The following SAMD4A variants were observed in gnomAD, a reference collection of about 807,000 sequenced individuals.
SAMD4A encodes the protein sterile alpha motif domain containing 4A, also known as protein Smaug homolog 1.
A neutral mutation model predicts 81.3 loss-of-function variants in SAMD4A; 33 were observed. The observed-to-expected ratio is 0.41, with a 90% CI of 0.31 to 0.54. SAMD4A has a LOEUF of 0.54. SAMD4A is among the 20% of genes least tolerant of loss of function. The pLI, the probability that SAMD4A is intolerant of heterozygous loss-of-function variation, is 0.37. For synonymous variants in SAMD4A, 389 were observed against 382.1 expected (o/e 1.02, Z -0.21); for missense variants, 854 against 951.1 (o/e 0.90, Z 1.34).
chr14:54,748,382 T>G (rs2038018278), intron 4 of SAMD4A, among the ~76,000 whole-genome samples: 1 of 152,344 alleles, frequency 6.6e-6, no homozygotes, highest in African/African-American at 2.4e-5. Context: ...GCTCTAACAT[T>G]CGAAGCCAGC....
At chr14:54,689,519 G>C (rs1462832384) in intron 2 of SAMD4A, 1 of 152,260 alleles carries the variant, frequency 6.6e-6, no homozygotes, top group East Asian at 1.9e-4. Context: ...GAGTGGTTAA[G>C]TGAATTGCCC....
intron 2 of SAMD4A, among the ~76,000 whole-genome samples, chr14:54,609,309 G>T (rs2034298008): frequency 6.6e-6 from 1 of 152,210 alleles, no homozygotes; most frequent in African/African-American, 2.4e-5. Flanking sequence ...GCCAAGGAAT[G>T]CAGGCAGCCT....
At chr14:54,786,392 CAA>C (rs2039141217) in intron 12 of SAMD4A, among the ~76,000 whole-genome samples, 1 of 152,194 alleles carries the variant, frequency 6.6e-6, no homozygotes, top group Non-Finnish European at 1.5e-5. Flanking sequence ...CACAGCTTTG[CAA>C]ATATACTAAA....
intron 2 of SAMD4A, chr14:54,652,671 C>T (rs185856393): frequency 8.6e-5 from 13 of 151,660 alleles, no homozygotes; most frequent in Admixed American, 6.6e-4. Flanking sequence ...GGTTACAGAC[C>T]CTTTGTGCAG....
chr14:54,584,619 T>A (rs2033565461), intron 2 of SAMD4A, among the ~76,000 whole-genome samples: 1 of 152,232 alleles, frequency 6.6e-6, no homozygotes, highest in African/African-American at 2.4e-5. Flanking sequence ...TTATTTAATA[T>A]TAAATGTGAT....
intron 2 of SAMD4A, chr14:54,692,876 G>GCCCCCC (rs56082229): frequency 6.0e-5 from 8 of 132,412 alleles, no homozygotes; most frequent in Non-Finnish European, 9.6e-5. Flanking sequence ...ATCACTTAGT[G>GCCCCCC]CCCCCCCCCG....
chr14:54,623,801 A>C (rs752014622), intron 2 of SAMD4A, among the ~76,000 whole-genome samples: 38 of 152,280 alleles, frequency 2.5e-4, no homozygotes, highest in Non-Finnish European at 2.1e-4. Flanking sequence ...CATTCTTTCC[A>C]TTCTTCCTGA....
In SAMD4A at chr14:54,749,912, A is replaced by G. The variant is rs146993507; in HGVS notation, c.1089+988A>G. Among the ~76,000 whole-genome samples, 665 of 152,312 alleles carry G rather than the reference A, an allele frequency of 4.4e-3. 4 individuals are homozygous for G. The highest frequency in any genetic ancestry group is 0.014 in the African/African-American group (589 of 41,562). ...GCAGATCACCAGTTCCCCAGTACTT[A>G]TTCGGTACCCTCATTTAACCCTGCA... On this transcript the variant is annotated intron_variant, in intron 5 of 12. Transcript: ENST00000554335.
chr14:54,771,339 G>A (rs150318598), intron 9 of SAMD4A, among the ~76,000 whole-genome samples: 15 of 152,300 alleles, frequency 9.8e-5, no homozygotes, highest in Middle Eastern at 3.4e-3. Context: ...AGCTGCTGTT[G>A]TTAACCCCAT....
intron 2 of SAMD4A, among the ~76,000 whole-genome samples, chr14:54,649,656 T>C (rs919809455): frequency 6.6e-6 from 1 of 152,212 alleles, no homozygotes; most frequent in Admixed American, 6.5e-5. Flanking sequence ...GGCCATTTAA[T>C]AAAAATTGCA....
chr14:54,661,025 A>T (rs1164302008), intron 2 of SAMD4A, among the ~76,000 whole-genome samples: 2 of 152,212 alleles, frequency 1.3e-5, no homozygotes, highest in Non-Finnish European at 2.9e-5. Context: ...GAATGGTGTG[A>T]ACATAATAGA....
At chr14:54,711,393 C>A (rs985958531) in intron 3 of SAMD4A, among the ~76,000 whole-genome samples, 15 of 151,788 alleles carry the variant, frequency 9.9e-5, no homozygotes, top group African/African-American at 3.4e-4. Context: ...AAATGTATAC[C>A]CAAAAAAACT....
Position 54,678,433 on chromosome 14 carries a change from T to TTGTGTG in SAMD4A, c.197-23551_197-23546dup, listed in dbSNP as rs769193366. Among the ~76,000 whole-genome samples, 575 of 81,178 alleles carry TTGTGTG rather than the reference T, an allele frequency of 7.1e-3. 38 individuals are homozygous for TTGTGTG. The highest frequency in any genetic ancestry group is 7.3e-3 in the African/African-American group (124 of 16,946). 53.3% of individuals were successfully genotyped at this position (81,178 alleles called of 152,430 possible). A position where few individuals can be genotyped will look rare whatever the true frequency, so the allele number is the denominator to read the frequency against. On this transcript the variant is annotated intron_variant, in intron 2 of 12. Transcript: ENST00000554335. ...GTGTCGTATTTTGGGCAGTCACCAT[T>TTGTGTG]TGTGTGTGTGTGTGTGTGTGTGTGT...
chr14:54,604,805 A>G (rs2034155806), intron 2 of SAMD4A, among the ~76,000 whole-genome samples: 1 of 152,230 alleles, frequency 6.6e-6, no homozygotes, highest in Non-Finnish European at 1.5e-5. Context: ...TGTATAGTTA[A>G]AGATTAATAA....
chr14:54,782,166 C>T (rs1325372646), intron 11 of SAMD4A, among the ~76,000 whole-genome samples: 1 of 152,184 alleles, frequency 6.6e-6, no homozygotes, highest in Non-Finnish European at 1.5e-5. Flanking sequence ...TGGAAAATGG[C>T]ATTTTGCTGC....
intron 2 of SAMD4A, among the ~76,000 whole-genome samples, chr14:54,582,028 T>A (rs2140147711): frequency 6.6e-6 from 1 of 152,364 alleles, no homozygotes; most frequent in Non-Finnish European, 1.5e-5. Flanking sequence ...TGTGGCAGAA[T>A]GAGCTGTGTT....
At chr14:54,780,172 C>T (rs561469170) in intron 11 of SAMD4A, among the ~76,000 whole-genome samples, 2 of 152,186 alleles carry the variant, frequency 1.3e-5, no homozygotes, top group Non-Finnish European at 2.9e-5. Context: ...GGGTAGGCTG[C>T]ACAGCCTTCT....
At chr14:54,574,731 G>T (rs2033237674) in intron 2 of SAMD4A, among the ~76,000 whole-genome samples, 1 of 152,188 alleles carries the variant, frequency 6.6e-6, no homozygotes, top group Admixed American at 6.5e-5. Context: ...ATTTTTGTAG[G>T]ATGCTTTGAC....
intron 3 of SAMD4A, among the ~76,000 whole-genome samples, chr14:54,733,034 C>T (rs1233635131): frequency 1.3e-5 from 2 of 151,938 alleles, no homozygotes; most frequent in East Asian, 1.9e-4. Flanking sequence ...ATATTTTCCC[C>T]GTAAAAGGTG....
Sources: allele counts gnomAD v4.1 joint callset (sites outside exome capture counted in the v4.1 genomes callset), GRCh38; gene constraint gnomAD v4.1.1; transcripts MANE v1.5; gene names NCBI Gene and HGNC (gene_info 2026-07-23, HGNC 2026-07-21).